The following ELAVL1 variants were observed in gnomAD, a reference collection of about 807,000 sequenced individuals.
ELAVL1 encodes ELAV like RNA binding protein 1, also known as ELAV-like protein 1.
Under a neutral mutation model 28.4 loss-of-function variants are expected in ELAVL1, and 1 was observed. The observed-to-expected ratio is 0.04, with a 90% CI of 0.01 to 0.17. ELAVL1 has a LOEUF of 0.17. Among genes scored for constraint, ELAVL1 ranks in the 10% least tolerant of loss-of-function variants. The pLI is 1.00. For synonymous variants in ELAVL1, 174 were observed against 183.5 expected, an observed-to-expected ratio of 0.95 and a Z score of 0.42; for missense variants, 157 against 447.2, an observed-to-expected ratio of 0.35 and a Z score of 5.85.
At chr19:7,986,966 T>G (rs558251448) in intron 2 of ELAVL1, among the ~76,000 whole-genome samples, 1 of 152,240 alleles carries the variant, frequency 6.6e-6, no homozygotes, top group South Asian at 2.1e-4. Flanking sequence ...GCTTGGCTCA[T>G]GCTTAAGTTT....
intron 4 of ELAVL1, chr19:7,973,212 G>A (rs117866009): frequency 0.011 from 1,848 of 165,554 alleles, 14 homozygotes; most frequent in Non-Finnish European, 0.014. Context: ...TACATGAAAT[G>A]CTGGCCTAAT....
intron 3 of ELAVL1, 33 bp from the exon 4 acceptor site, chr19:7,973,911 C>T (rs755091586): frequency 3.7e-6 from 6 of 1,610,202 alleles, no homozygotes; most frequent in Non-Finnish European, 5.1e-6. Context: ...GAGATTAGTA[C>T]AGGCACGTGG....
chr19:7,992,968 T>C (rs1985790965), intron 1 of ELAVL1, among the ~76,000 whole-genome samples: 1 of 152,176 alleles, frequency 6.6e-6, no homozygotes, highest in Non-Finnish European at 1.5e-5. Flanking sequence ...GTAGAGATGG[T>C]ATCTTGCCCA....
At chr19:7,998,582 G>C in intron 1 of ELAVL1, among the ~76,000 whole-genome samples, 1 of 152,168 alleles carries the variant, frequency 6.6e-6, no homozygotes, top group East Asian at 1.9e-4. Context: ...ACAGGCCTCT[G>C]CTTTGGCTGT....
In ELAVL1 at chr19:7,963,292, C is replaced by T. The variant is rs1984862875; in HGVS notation, c.*191G>A. 6.1e-6 allele frequency: 4 copies of T among 652,794 alleles called. No homozygotes were observed. In the Admixed American group the frequency reaches 1.2e-4, roughly 20 times the overall value. 40.4% of individuals were successfully genotyped at this position (652,794 alleles called of 1,614,324 possible). A position where few individuals can be genotyped will look rare whatever the true frequency, so the allele number is the denominator to read the frequency against. On this transcript the variant is annotated 3_prime_UTR_variant, in exon 6 of 6. Coordinates refer to ENST00000407627, the MANE Select transcript of ELAVL1 (RefSeq NM_001419.3). This position sits in a 1 kb window ranked among gnomAD's most constrained non-coding sequence, Gnocchi z 4.5. ...ATAACTTACGAAACTTAAGATTGGT[C>T]TAACATTGTGGGATTTCAAACATTT...
At chr19:7,992,132 G>A (rs1476545386) in intron 1 of ELAVL1, among the ~76,000 whole-genome samples, 1 of 151,972 alleles carries the variant, frequency 6.6e-6, no homozygotes, top group Non-Finnish European at 1.5e-5. Context: ...GTAGAGACGG[G>A]GTTTCGTCGT....
rs1984870759 is a variant in ELAVL1 at position 7,963,648 on chromosome 19, A to G, written c.816T>C (p.Asn272=). 1.9e-6 allele frequency: 3 copies of G among 1,614,112 alleles called. No individual in the cohort carries two copies. Among genetic ancestry groups the G allele is most frequent in the Admixed American group, 3.3e-5 (2 of 60,006 alleles). The change falls in exon 6 of 6, where the codon AAT becomes AAC. Residue 272 remains asparagine, a synonymous_variant. Transcript: ENST00000407627. This position sits in a 1 kb window ranked among gnomAD's most constrained non-coding sequence, Gnocchi z 4.5. The stretch of plus-strand genomic sequence containing the variant: ...TGTTGAAGTCGCGGATCACTTTCAC[A>G]TTGGTGACGGCACCAAACGGCCCAA... The part of the protein sequence containing the change: ...QMFGPFGAVT[N]VKVIRDFNTN...
At chr19:7,997,249 T>C (rs1335375479) in intron 1 of ELAVL1, among the ~76,000 whole-genome samples, 1 of 152,212 alleles carries the variant, frequency 6.6e-6, no homozygotes. Context: ...TGTATATAAA[T>C]GTGCAGAGCG....
intron 2 of ELAVL1, among the ~76,000 whole-genome samples, chr19:7,984,110 C>T (rs1040226945): frequency 2.6e-5 from 4 of 152,148 alleles, no homozygotes; most frequent in Non-Finnish European, 4.4e-5. Flanking sequence ...CCAACATCAC[C>T]GAGGGAGTCG....
At position 7,961,302 on chromosome 19, in the gene ELAVL1, C is replaced by T. The variant is rs1984800386; in HGVS notation, c.*2181G>A. 1 of 152,160 alleles carries T rather than the reference C, an allele frequency of 6.6e-6. No homozygotes were observed. The highest frequency in any genetic ancestry group is 1.5e-5 in the Non-Finnish European group (1 of 68,046). The allele number at this position is 152,160 out of a possible 1,614,324, so 9.4% of individuals were successfully genotyped here. On this transcript the variant is annotated 3_prime_UTR_variant, in exon 6 of 6. Transcript: ENST00000407627. ...GGGGGAGTTTCAGAAGCGGGAATCC[C>T]GCCTTCCATCAGAAGGGTGTTGGCT...
At chr19:7,986,898 A>G (rs1162586081) in intron 2 of ELAVL1, among the ~76,000 whole-genome samples, 1 of 152,132 alleles carries the variant, frequency 6.6e-6, no homozygotes, top group East Asian at 1.9e-4. Flanking sequence ...TTGGAGGGAC[A>G]TGTGCCCAAA....
intron 1 of ELAVL1, among the ~76,000 whole-genome samples, chr19:7,999,029 G>T (rs1487380958): frequency 6.6e-6 from 1 of 152,164 alleles, no homozygotes; most frequent in African/African-American, 2.4e-5. Context: ...CTCCCAAAGT[G>T]CTGGGATTAT....
In ELAVL1 at chr19:7,963,636, G is replaced by T; in HGVS notation, c.828C>A (p.Ile276=). 6.2e-7 allele frequency: 1 copy of T among 1,614,260 alleles called. No individual in the cohort carries two copies. Among genetic ancestry groups the T allele is most frequent in the Non-Finnish European group, 8.5e-7 (1 of 1,180,048 alleles). ...PFGAVTNVKV[I]RDFNTNKCKG... ...TGCACTTGTTGGTGTTGAAGTCGCG[G>T]ATCACTTTCACATTGGTGACGGCAC... Residue 276 remains isoleucine, a synonymous_variant, in exon 6 of 6, where the codon ATC becomes ATA. Transcript: ENST00000407627. The surrounding 1 kb of genome is among the most constrained non-coding windows in gnomAD (Gnocchi z 4.5).
chr19:7,981,116 C>A lies in ELAVL1; in HGVS notation c.243G>T (p.Leu81=). ...TTTTTGACTGGAGCCTCAAGCCGTT[C>A]AGCGTGTTGATCGCTCTCTCTGCAT... ...AKDAERAINT[L]NGLRLQSKTI... The change falls in exon 3 of 6, where the codon CTG becomes CTT. Residue 81 remains leucine, a synonymous_variant. Transcript: ENST00000407627. The surrounding 1 kb of genome is among the most constrained non-coding windows in gnomAD (Gnocchi z 4.2). The A allele has an allele frequency of 1.2e-6, 2 of 1,614,196 alleles. No individual in the cohort carries two copies. The highest frequency in any genetic ancestry group is 1.7e-6 in the Non-Finnish European group (2 of 1,180,030).
Position 7,967,711 on chromosome 19 carries a change from A to G in ELAVL1, c.510T>C (p.His170=), listed in dbSNP as rs998771217. Residue 170 remains histidine (H), a synonymous_variant, in exon 5 of 6, where the codon CAT becomes CAC. Coordinates refer to ENST00000407627, the MANE Select transcript of ELAVL1 (RefSeq NM_001419.3). ...TGGGCTCAGAGGAACCTGGGGGTTT[A>G]TGACCATTGAAACTGGTAATTGCCT... ...AEEAITSFNG[H]KPPGSSEPIT... The G allele has an allele frequency of 2.5e-6, 4 of 1,614,060 alleles. No homozygotes were observed. In the African/African-American group the frequency reaches 4.0e-5, roughly 16 times the overall value.
Position 7,967,865 on chromosome 19 carries a change from G to C in ELAVL1, c.431-75C>G, listed in dbSNP as rs973110604. 11 of 1,524,676 alleles carry C rather than the reference G, an allele frequency of 7.2e-6. No individual in the cohort carries two copies. In the African/African-American group the frequency reaches 1.5e-4, roughly 21 times the overall value. The allele number at this position is 1,524,676 out of a possible 1,614,324, so 94.4% of individuals were successfully genotyped here. On this transcript the variant is annotated intron_variant, in intron 4 of 5. Transcript: ENST00000407627. ...TTTCAAAACTGAAAAGCAAAAGTCA[G>C]GTCAGTCTACTGTGGGCCAGGCTAG...
At chr19:7,971,365 C>T (rs776554082) in intron 4 of ELAVL1, among the ~76,000 whole-genome samples, 2 of 152,214 alleles carry the variant, frequency 1.3e-5, no homozygotes, top group African/African-American at 4.8e-5. Context: ...CAGGCCGAGG[C>T]AGAGCAGTGC....
chr19:7,980,492 C>T (rs573332478), intron 3 of ELAVL1, among the ~76,000 whole-genome samples: 1 of 152,226 alleles, frequency 6.6e-6, no homozygotes, highest in East Asian at 1.9e-4. Context: ...ATCTGTGTGA[C>T]CTGGAGGACC....
intron 2 of ELAVL1, among the ~76,000 whole-genome samples, chr19:7,990,787 G>T (rs989761384): frequency 6.6e-6 from 1 of 152,180 alleles, no homozygotes; most frequent in Non-Finnish European, 1.5e-5. Context: ...GGAAGGCAGG[G>T]GGGTAGGGGT....
Sources: gnomAD v4.1 joint callset for allele counts (sites outside exome capture counted in the v4.1 genomes callset) on GRCh38, gnomAD v4.1.1 for gene constraint, Gnocchi (gnomAD v3.1) non-coding constraint, MANE v1.5 for transcripts, NCBI Gene and HGNC (gene_info 2026-07-23, HGNC 2026-07-21) for gene names.